NEK2: variants seen among roughly 807,000 people sequenced by gnomAD.
The protein encoded by NEK2 is serine/threonine-protein kinase Nek2.
NEK2 carries 28 observed loss-of-function variants against 54.1 expected under a neutral mutation model. That is an observed-to-expected ratio of 0.52 (90% CI 0.38 to 0.71). The LOEUF (loss-of-function observed/expected upper bound fraction) is 0.71, where lower values mean the gene tolerates loss of function less well. Ranked by LOEUF, NEK2 falls within the 30% of genes least tolerant of loss-of-function variation. The probability of loss-of-function intolerance (pLI) is 0.00; values close to 1 mark genes in which losing one functional copy is unlikely to be tolerated. For synonymous variants in NEK2, 176 were observed against 193.1 expected, an observed-to-expected ratio of 0.91 and a Z score of 0.73; for missense variants, 407 against 531.5, an observed-to-expected ratio of 0.77 and a Z score of 2.30.
Position 211,663,379 on chromosome 1 carries a change from G to T in NEK2, c.*47C>A. ...AGCATTTGAATATCAGTCTTTAAAG[G>T]TTGGTAATATTACATCCTGTACACA... On this transcript the variant is annotated 3_prime_UTR_variant, in exon 8 of 8. Transcript: ENST00000366999. 1 of 1,565,492 alleles carries T rather than the reference G, an allele frequency of 6.4e-7. No individual in the cohort carries two copies. Among genetic ancestry groups the T allele is most frequent in the Non-Finnish European group, 8.7e-7 (1 of 1,152,022 alleles).
chr1:211,670,393 G>A lies in NEK2; in HGVS notation c.653C>T (p.Ala218Val). The change falls in exon 5 of 8, where the codon GCT becomes GTT. Residue 218 changes from alanine (A) to valine (V), a missense_variant. Physicochemically the swap from Ala to Val is moderately conservative, Grantham distance 64 (BLOSUM62 0). Coordinates refer to ENST00000366999, the MANE Select transcript of NEK2 (RefSeq NM_002497.4). ...ELCALMPPFTAFSQKELAGKI... is the reference protein window; with the variant it reads ...ELCALMPPFTVFSQKELAGKI... ...CCCAGCGAGTTCTTTCTGGCTAAAAGCTGTAAATGGAGGCCTAGGGTTAAA... is the reference window on the plus strand; with the variant it reads ...CCCAGCGAGTTCTTTCTGGCTAAAAACTGTAAATGGAGGCCTAGGGTTAAA... 5 of 1,613,172 alleles carry A rather than the reference G, an allele frequency of 3.1e-6. No individual in the cohort carries two copies. Among genetic ancestry groups the A allele is most frequent in the Non-Finnish European group, 4.2e-6 (5 of 1,179,636 alleles).
Position 211,673,629 on chromosome 1 carries a change from C to A in NEK2, c.409G>T (p.Val137Leu). ...GCTGGTTTCAGATCCCGATGCAATACGGTATGACCACCATCACTTCGTCTG... is the reference window on the plus strand; with the variant it reads ...GCTGGTTTCAGATCCCGATGCAATAAGGTATGACCACCATCACTTCGTCTG... The part of the protein sequence containing the change: ...CHRRSDGGHT[V>L]LHRDLKPANV... Residue 137 changes from valine to leucine, a missense_variant, in exon 3 of 8, where the codon GTA (valine) becomes TTA (leucine). Val to Leu is a conservative substitution (Grantham distance 32). Coordinates refer to ENST00000366999, the MANE Select transcript of NEK2 (RefSeq NM_002497.4). 1 of 1,614,126 alleles carries A rather than the reference C, an allele frequency of 6.2e-7. No individual in the cohort carries two copies. Among genetic ancestry groups the A allele is most frequent in the Non-Finnish European group, 8.5e-7 (1 of 1,180,036 alleles).
Position 211,663,442 on chromosome 1 carries a change from A to T in NEK2, c.1322T>A (p.Ile441Asn), listed in dbSNP as rs774663788. ...EKNYQLKSRQ[I>N]LGMR Reference sequence around the variant, plus strand: ...TCTACCTGGCTAGCGCATGCCCAGGATCTGTCTGCTTTTCAGTTGGTAATT... The same window carrying T: ...TCTACCTGGCTAGCGCATGCCCAGGTTCTGTCTGCTTTTCAGTTGGTAATT... The change falls in exon 8 of 8, where the codon ATC becomes AAC. Residue 441 changes from isoleucine to asparagine, a missense_variant. By Grantham distance (149) the Ile-to-Asn change is moderately radical (BLOSUM62 -3). Transcript: ENST00000366999. 6.2e-7 allele frequency: 1 copy of T among 1,612,906 alleles called. No homozygotes were observed. Among genetic ancestry groups the T allele is most frequent in the Non-Finnish European group, 8.5e-7 (1 of 1,179,316 alleles).
downstream of NEK2, among the ~76,000 whole-genome samples, chr1:211,662,430 A>G (rs1183440687): frequency 6.6e-6 from 1 of 152,198 alleles, no homozygotes; most frequent in Non-Finnish European, 1.5e-5. This position sits in a 1 kb window ranked among gnomAD's most constrained non-coding sequence, Gnocchi z 4.2. Flanking sequence ...ACCCATGGAC[A>G]TTTTGTTGTC....
chr1:211,662,234 G>A (rs911820979), downstream of NEK2, among the ~76,000 whole-genome samples: 3 of 152,118 alleles, frequency 2.0e-5, no homozygotes, highest in African/African-American at 7.2e-5. This position sits in a 1 kb window ranked among gnomAD's most constrained non-coding sequence, Gnocchi z 4.2. Context: ...CAGCTGAAAC[G>A]GCACTAATCC....
At chr1:211,658,342 CAT>C (rs774530481), downstream of NEK2, among the ~76,000 whole-genome samples, 13 of 151,386 alleles carry the variant, frequency 8.6e-5, no homozygotes, top group South Asian at 1.0e-3. Flanking sequence ...ATTTGAGAAA[CAT>C]ATGAAAACAC....
At chr1:211,658,547 G>A, downstream of NEK2, 1 of 396,718 alleles carries the variant, frequency 2.5e-6, no homozygotes, top group Admixed American at 3.1e-5. Context: ...TCCCAGCCAA[G>A]GTGGGAGGAT....
In NEK2 at chr1:211,666,748, G is replaced by A. The variant is rs745739979; in HGVS notation, c.1111+358C>T. 2.0e-4 allele frequency: 81 copies of A among 404,802 alleles called. No individual in the cohort carries two copies. The Admixed American group carries it at 2.7e-3, about 14-fold the overall frequency. The allele number at this position is 404,802 out of a possible 1,614,324, so 25.1% of individuals were successfully genotyped here. A position where few individuals can be genotyped will look rare whatever the true frequency, so the allele number is the denominator to read the frequency against. ...CGGGAGGCAGAGCTTGCAGTGAGCC[G>A]AGATTGTGCCACTGCACTCCAGCCT... On this transcript the variant is annotated intron_variant, in intron 7 of 7. Transcript: ENST00000366999.
In NEK2 at chr1:211,673,581, G is replaced by C; in HGVS notation, c.457C>G (p.Gln153Glu). Reference protein sequence around the residue: ...KPANVFLDGKQNVKLGDFGLA... With the variant: ...KPANVFLDGKENVKLGDFGLA... Reference sequence around the variant, plus strand: ...CCAAAGTCTCCAAGCTTGACGTTTTGCTTGCCATCCAGGAAAACATTGGCT... The same window carrying C: ...CCAAAGTCTCCAAGCTTGACGTTTTCCTTGCCATCCAGGAAAACATTGGCT... Residue 153 changes from glutamine (Q) to glutamate (E), a missense_variant, in exon 3 of 8, where the codon CAA (glutamine) becomes GAA (glutamate). By Grantham distance (29) the Gln-to-Glu change is conservative. Transcript: ENST00000366999. 5 of 1,614,128 alleles carry C rather than the reference G, an allele frequency of 3.1e-6. No homozygotes were observed. Among genetic ancestry groups the C allele is most frequent in the Non-Finnish European group, 4.2e-6 (5 of 1,179,990 alleles).
Position 211,675,582 on chromosome 1 carries a change from G to A in NEK2, c.-103C>T. ...CAGGGACCTGGATGGAGAAGCCCCC[G>A]AGCAGCACTGACCCGCCACCCCTGC... is the stretch of plus-strand genomic sequence containing the variant. On this transcript the variant is annotated 5_prime_UTR_variant, in exon 1 of 8. Coordinates refer to ENST00000366999, the MANE Select transcript of NEK2 (RefSeq NM_002497.4). 2.2e-6 allele frequency: 2 copies of A among 894,036 alleles called. No individual in the cohort carries two copies. The highest frequency in any genetic ancestry group is 1.5e-5 in the South Asian group (1 of 66,664). 55.4% of individuals were successfully genotyped at this position (894,036 alleles called of 1,614,324 possible). A position where few individuals can be genotyped will look rare whatever the true frequency, so the allele number is the denominator to read the frequency against.
At chr1:211,666,831 A>C in intron 7 of NEK2, 1 of 1,000,798 alleles carries the variant, frequency 1.0e-6, no homozygotes, top group Non-Finnish European at 1.2e-6. Flanking sequence ...ATGATAATAA[A>C]AATAAGTATC....
chr1:211,658,748 A>AAAAG (rs1654943009), downstream of NEK2: 1 of 182,720 alleles, frequency 5.5e-6, no homozygotes, highest in Non-Finnish European at 1.0e-5. Context: ...AAAAAAAAAA[A>AAAAG]GGAAAGAAAA....
downstream of NEK2, among the ~76,000 whole-genome samples, chr1:211,658,304 C>T (rs1654923345): frequency 6.6e-6 from 1 of 151,548 alleles, no homozygotes; most frequent in Non-Finnish European, 1.5e-5. Context: ...TTTACATTTA[C>T]ATGTATTTAC....
intron 5 of NEK2, 118 bp downstream of exon 5, chr1:211,670,163 T>C: frequency 2.7e-6 from 3 of 1,105,272 alleles, no homozygotes; most frequent in Non-Finnish European, 1.3e-6. Flanking sequence ...ACAGTAAATT[T>C]AGCTAAGAAA....
At position 211,672,615 on chromosome 1, in the gene NEK2, T is replaced by TAAA. The variant is rs71721781; in HGVS notation, c.555+865_555+867dup. On this transcript the variant is annotated intron_variant, in intron 3 of 7. Transcript: ENST00000366999. ...AAGTCTAAAATAAAAAGTAAAATATTAAAAAAAAAAAAAAACAGAGTTCAA... is the reference window on the plus strand; with the variant it reads ...AAGTCTAAAATAAAAAGTAAAATATTAAAAAAAAAAAAAAAAAACAGAGTTCAA... 7.5e-4 allele frequency among the ~76,000 whole-genome samples: 105 copies of TAAA among 139,122 alleles called. 1 individual carries two copies. Among genetic ancestry groups the TAAA allele is most frequent in the African/African-American group, 9.8e-4 (37 of 37,782 alleles). The allele number at this position is 139,122 out of a possible 152,430, so 91.3% of individuals were successfully genotyped here. A position where few individuals can be genotyped will look rare whatever the true frequency, so the allele number is the denominator to read the frequency against.
chr1:211,669,036 G>A (rs1388154365), intron 6 of NEK2, 77 bp downstream of exon 6: 30 of 1,268,442 alleles, frequency 2.4e-5, no homozygotes, highest in Admixed American at 4.0e-5. Context: ...AAAATATTCT[G>A]CTCAAAGAGA....
chr1:211,674,542 G>A, intron 1 of NEK2, 29 bp from the exon 2 acceptor site: 1 of 1,509,710 alleles, frequency 6.6e-7, no homozygotes. Flanking sequence ...AGGTATGAAT[G>A]AACTCATTAT....
downstream of NEK2, among the ~76,000 whole-genome samples, chr1:211,659,816 AC>A (rs1052203900): frequency 1.4e-5 from 1 of 70,000 alleles, no homozygotes; most frequent in South Asian, 6.1e-4. Context: ...CTCTTCCCCC[AC>A]CCCCCACCCA....
At chr1:211,671,810 A>G (rs887409689) in intron 3 of NEK2, among the ~76,000 whole-genome samples, 3 of 152,216 alleles carry the variant, frequency 2.0e-5, no homozygotes, top group Non-Finnish European at 4.4e-5. Context: ...TTCTCAACAG[A>G]GGGAATAGAA....
Sources: gnomAD v4.1 joint callset for allele counts (sites outside exome capture counted in the v4.1 genomes callset) on GRCh38, gnomAD v4.1.1 for gene constraint, Gnocchi (gnomAD v3.1) non-coding constraint, MANE v1.5 for transcripts, NCBI Gene and HGNC (gene_info 2026-07-23, HGNC 2026-07-21) for gene names.